The following MYOZ2 variants were observed in gnomAD, a reference collection of about 807,000 sequenced individuals.
MYOZ2 encodes the protein myozenin 2.
Under a neutral mutation model 25.4 loss-of-function variants are expected in MYOZ2, and 19 were observed. The observed-to-expected ratio is 0.75, with a 90% CI of 0.52 to 1.10. The LOEUF is 1.10. MYOZ2 is among the 50% of genes least tolerant of loss of function. The pLI is 0.00. For missense variants in MYOZ2, 270 were observed against 317.9 expected (o/e 0.85, Z 1.15); for synonymous variants, 92 against 106.9 (o/e 0.86, Z 0.86).
At position 119,153,415 on chromosome 4, in the gene MYOZ2, T is replaced by C. The variant is rs551020436; in HGVS notation, c.246+2374T>C. ...TGCTGCAAGCTCAAAGATAAATAAATACAGGTTTCATCTAGTGATAGAGAG... is the reference window on the plus strand; with the variant it reads ...TGCTGCAAGCTCAAAGATAAATAAACACAGGTTTCATCTAGTGATAGAGAG... On this transcript the variant is annotated intron_variant, in intron 3 of 5. Transcript: ENST00000307128. Among the ~76,000 whole-genome samples, 3 of 152,238 alleles carry C rather than the reference T, an allele frequency of 2.0e-5. No individual in the cohort carries two copies. The East Asian group carries it at 5.8e-4, about 29-fold the overall frequency.
chr4:119,143,238 T>C (rs983455850), intron 2 of MYOZ2, among the ~76,000 whole-genome samples: 24 of 151,852 alleles, frequency 1.6e-4, no homozygotes, highest in African/African-American at 4.8e-4. Context: ...CTCTGTCACC[T>C]AGGCTGGAGT....
intron 5 of MYOZ2, among the ~76,000 whole-genome samples, chr4:119,179,551 G>GT (rs1327854100): frequency 6.6e-6 from 1 of 151,150 alleles, no homozygotes; most frequent in Admixed American, 6.6e-5. Flanking sequence ...TTTCCTAAAA[G>GT]TGAGTGTCCC....
At chr4:119,166,038 C>CGTGT (rs146485825) in intron 5 of MYOZ2, among the ~76,000 whole-genome samples, 2 of 150,340 alleles carry the variant, frequency 1.3e-5, no homozygotes, top group African/African-American at 2.4e-5. Context: ...TGTGTGTGTG[C>CGTGT]GTGTGTGTGT....
rs1490020103 is a variant in MYOZ2 at position 119,151,107 on chromosome 4, C to G, written c.246+66C>G. The G allele has an allele frequency of 8.1e-6, 12 of 1,477,096 alleles. No individual in the cohort carries two copies. The African/African-American group carries it at 1.5e-4, about 19-fold the overall frequency. 91.5% of individuals were successfully genotyped at this position (1,477,096 alleles called of 1,614,324 possible). ...AATATTTCTAAATTTGTATTTATGA[C>G]TAGTTTCTGAAGGAAGTATTCTATA... On this transcript the variant is annotated intron_variant, in intron 3 of 5. Coordinates refer to ENST00000307128, the MANE Select transcript of MYOZ2 (RefSeq NM_016599.5).
intron 3 of MYOZ2, 59 bp downstream of exon 3, chr4:119,151,100 T>C: frequency 6.7e-7 from 1 of 1,493,514 alleles, no homozygotes. Context: ...TAAATTTGTA[T>C]TTATGACTAG....
At chr4:119,148,548 A>G (rs909676182) in intron 2 of MYOZ2, among the ~76,000 whole-genome samples, 3 of 151,720 alleles carry the variant, frequency 2.0e-5, no homozygotes, top group Admixed American at 6.6e-5. Context: ...TTTCAAGTCT[A>G]TTTTTCTCTG....
chr4:119,149,054 C>T (rs1170883784), intron 2 of MYOZ2, among the ~76,000 whole-genome samples: 1 of 152,082 alleles, frequency 6.6e-6, no homozygotes, highest in Non-Finnish European at 1.5e-5. Flanking sequence ...TTTAAATAAA[C>T]CTTCTTTTTC....
intron 5 of MYOZ2, among the ~76,000 whole-genome samples, chr4:119,175,616 G>A (rs189630530): frequency 6.0e-4 from 92 of 152,178 alleles, no homozygotes; most frequent in African/African-American, 2.1e-3. Flanking sequence ...GCCAGGTGTG[G>A]TGGCGGGCGT....
chr4:119,144,767 A>T (rs1168036506), intron 2 of MYOZ2, among the ~76,000 whole-genome samples: 4 of 152,094 alleles, frequency 2.6e-5, no homozygotes, highest in Non-Finnish European at 5.9e-5. Context: ...ATGCCTCTTC[A>T]TGTTTTGGCC....
In MYOZ2 at chr4:119,158,054, T is replaced by G. The variant is rs1238737536; in HGVS notation, c.279T>G (p.Asp93Glu). 1 of 1,614,048 alleles carries G rather than the reference T, an allele frequency of 6.2e-7. No individual in the cohort carries two copies. Among genetic ancestry groups the G allele is most frequent in the East Asian group, 2.2e-5 (1 of 44,872 alleles). Residue 93 changes from aspartate to glutamate, a missense_variant, in exon 4 of 6, where the codon GAT becomes GAG. Physicochemically the swap from Asp to Glu is conservative, Grantham distance 45. Coordinates refer to ENST00000307128, the MANE Select transcript of MYOZ2 (RefSeq NM_016599.5). ...HSIAMQNGKV[D>E]GSNLEGGSQQ... ...TTGCTATGCAGAATGGGAAAGTGGATGGAAGTAACTTGGAAGGTGGTTCGC... is the reference window on the plus strand; with the variant it reads ...TTGCTATGCAGAATGGGAAAGTGGAGGGAAGTAACTTGGAAGGTGGTTCGC...
rs561834279 is a variant in MYOZ2, at chr4:119,185,400, C to T, written c.561-566C>T. ...CATGATCTTGGTTCACTGCAACCTC[C>T]GCCTCCTGGGTTCAAGTCATTCTCC... On this transcript the variant is annotated intron_variant, in intron 5 of 5. Coordinates refer to ENST00000307128, the MANE Select transcript of MYOZ2 (RefSeq NM_016599.5). Among the ~76,000 whole-genome samples the T allele has an allele frequency of 5.3e-5, 8 of 152,174 alleles. No individual in the cohort carries two copies. In the South Asian group the frequency reaches 1.0e-3, roughly 20 times the overall value.
At chr4:119,172,397 G>C (rs983821269) in intron 5 of MYOZ2, among the ~76,000 whole-genome samples, 3 of 152,152 alleles carry the variant, frequency 2.0e-5, no homozygotes, top group Non-Finnish European at 4.4e-5. Flanking sequence ...AGTGAGTCAC[G>C]AGTGCTGATT....
intron 5 of MYOZ2, among the ~76,000 whole-genome samples, chr4:119,174,219 G>A (rs1225499483): frequency 2.0e-5 from 3 of 152,248 alleles, no homozygotes; most frequent in East Asian, 3.9e-4. Flanking sequence ...GCCCTGGTGC[G>A]GGATCCTCTA....
At chr4:119,174,200 C>T (rs894949323) in intron 5 of MYOZ2, among the ~76,000 whole-genome samples, 6 of 152,232 alleles carry the variant, frequency 3.9e-5, no homozygotes, top group Non-Finnish European at 4.4e-5. Context: ...GCAGGCAGCT[C>T]CACCTGCAGC....
intron 5 of MYOZ2, among the ~76,000 whole-genome samples, chr4:119,178,539 G>A (rs959547974): frequency 5.3e-5 from 8 of 151,996 alleles, no homozygotes; most frequent in Non-Finnish European, 8.8e-5. Flanking sequence ...AACAATCTAC[G>A]GCTTACCCTT....
chr4:119,183,981 A>C lies in MYOZ2; in HGVS notation c.561-1985A>C, dbSNP rs1053517921. 5.3e-5 allele frequency among the ~76,000 whole-genome samples: 8 copies of C among 151,656 alleles called. No homozygotes were observed. In the South Asian group the frequency reaches 1.7e-3, roughly 32 times the overall value. ...AGGCATGCGCCACCATGCCCTGCTA[A>C]TTTTTTGTATTTTTAGTAGAGATGG... On this transcript the variant is annotated intron_variant, in intron 5 of 5. Transcript: ENST00000307128.
intron 5 of MYOZ2, among the ~76,000 whole-genome samples, chr4:119,172,938 G>T (rs1741977077): frequency 1.3e-5 from 2 of 152,122 alleles, no homozygotes; most frequent in Middle Eastern, 3.2e-3. Flanking sequence ...TCAAAAAGCT[G>T]TATGACTTCG....
intron 2 of MYOZ2, among the ~76,000 whole-genome samples, chr4:119,140,397 TAGA>T (rs767258154): frequency 2.5e-4 from 38 of 152,346 alleles, no homozygotes; most frequent in Non-Finnish European, 4.0e-4. Flanking sequence ...ATAAAGTTTA[TAGA>T]AGAAGAACTT....
chr4:119,183,999 A>G (rs1219886753), intron 5 of MYOZ2, among the ~76,000 whole-genome samples: 1 of 151,976 alleles, frequency 6.6e-6, no homozygotes, highest in Non-Finnish European at 1.5e-5. Context: ...TATTTTTAGT[A>G]GAGATGGGTT....
Sources: allele counts gnomAD v4.1 joint callset (sites outside exome capture counted in the v4.1 genomes callset), GRCh38; gene constraint gnomAD v4.1.1; transcripts MANE v1.5; gene names NCBI Gene and HGNC (gene_info 2026-07-23, HGNC 2026-07-21).